Variants in TMEM217B observed in about 807,000 individuals in gnomAD.
TMEM217B encodes putative transmembrane protein 217B.
chr6:37,246,962 A>T, the TMEM217B span, among the ~76,000 whole-genome samples: 1 of 151,860 alleles, frequency 6.6e-6, no homozygotes, highest in East Asian at 1.9e-4. Context: ...GTCCCGCAGT[A>T]CCTATCAGGC....
chr6:37,227,688 C>G, the TMEM217B span, among the ~76,000 whole-genome samples: 1 of 152,046 alleles, frequency 6.6e-6, no homozygotes, highest in Admixed American at 6.6e-5. Flanking sequence ...TCGTGATCCA[C>G]CCGCCTCAGC....
At chr6:37,217,377 A>G in the TMEM217B span, among the ~76,000 whole-genome samples, 1 of 152,246 alleles carries the variant, frequency 6.6e-6, no homozygotes. Context: ...GTAATCATAT[A>G]CTGTCTTATA....
At chr6:37,232,608 G>A in the TMEM217B span, among the ~76,000 whole-genome samples, 3 of 152,124 alleles carry the variant, frequency 2.0e-5, no homozygotes, top group Admixed American at 6.5e-5. Flanking sequence ...TTCCTCTCCC[G>A]TTCTCTGCAA....
the TMEM217B span, among the ~76,000 whole-genome samples, chr6:37,240,530 A>C: frequency 6.6e-6 from 1 of 152,190 alleles, no homozygotes; most frequent in African/African-American, 2.4e-5. Context: ...TGGAAGCTGC[A>C]CTGTCTTAGT....
chr6:37,256,563 C>T, the TMEM217B span, among the ~76,000 whole-genome samples: 1 of 152,060 alleles, frequency 6.6e-6, no homozygotes, highest in Non-Finnish European at 1.5e-5. Context: ...TAAAAATAGC[C>T]CTTGTCATCC....
At chr6:37,212,416 C>A in the TMEM217B span, 1 of 408,820 alleles carries the variant, frequency 2.4e-6, no homozygotes, top group Non-Finnish European at 4.9e-6. Context: ...TGGCATGGTT[C>A]AGTTTAACTT....
chr6:37,233,617 C>G, the TMEM217B span, among the ~76,000 whole-genome samples: 70 of 152,298 alleles, frequency 4.6e-4, 1 homozygote, highest in South Asian at 0.013. Context: ...TACCATCACA[C>G]TGGGGTTTAA....
the TMEM217B span, chr6:37,212,889 G>A: frequency 1.3e-6 from 2 of 1,524,384 alleles, no homozygotes; most frequent in East Asian, 2.5e-5. Flanking sequence ...GTGTCTTCTG[G>A]TTCAGGTCAA....
the TMEM217B span, among the ~76,000 whole-genome samples, chr6:37,257,374 A>T: frequency 1.3e-5 from 2 of 152,230 alleles, no homozygotes; most frequent in Admixed American, 1.3e-4. Flanking sequence ...GGAGGGTAAT[A>T]ACCAGAGTGT....
chr6:37,244,488 T>C, the TMEM217B span, among the ~76,000 whole-genome samples: 1 of 152,252 alleles, frequency 6.6e-6, no homozygotes, highest in African/African-American at 2.4e-5. Context: ...ATAAACATGT[T>C]GAAGTCTCGT....
At chr6:37,218,948 A>G in the TMEM217B span, 100 of 1,614,062 alleles carry the variant, frequency 6.2e-5, no homozygotes, top group Non-Finnish European at 7.8e-5. Flanking sequence ...GATGAGATAC[A>G]TGTCTACGGC....
At chr6:37,225,445 A>G in the TMEM217B span, among the ~76,000 whole-genome samples, 1 of 152,178 alleles carries the variant, frequency 6.6e-6, no homozygotes, top group Non-Finnish European at 1.5e-5. Context: ...GTTTTCTATG[A>G]CCTAGGATTA....
chr6:37,253,883 T>C, the TMEM217B span, among the ~76,000 whole-genome samples: 1 of 152,232 alleles, frequency 6.6e-6, no homozygotes, highest in Non-Finnish European at 1.5e-5. Flanking sequence ...CTCTAAGGGT[T>C]GGGATATGCC....
chr6:37,212,699 T>TGG, the TMEM217B span: 1 of 631,106 alleles, frequency 1.6e-6, no homozygotes, highest in Non-Finnish European at 3.0e-6. Context: ...ATGATCCACA[T>TGG]GGCATAGATC....
At chr6:37,247,076 C>G in the TMEM217B span, among the ~76,000 whole-genome samples, 1 of 152,052 alleles carries the variant, frequency 6.6e-6, no homozygotes, top group Non-Finnish European at 1.5e-5. Context: ...TGTCATGTCC[C>G]AGCTTAAACT....
the TMEM217B span, among the ~76,000 whole-genome samples, chr6:37,232,177 C>A: frequency 6.6e-6 from 1 of 152,018 alleles, no homozygotes; most frequent in African/African-American, 2.4e-5. Flanking sequence ...TACAAAAGGA[C>A]GCTTCGTTCC....
chr6:37,240,875 AG>A, the TMEM217B span, among the ~76,000 whole-genome samples: 2 of 152,174 alleles, frequency 1.3e-5, no homozygotes, highest in Non-Finnish European at 2.9e-5. Flanking sequence ...TACTATTTTA[AG>A]ATTCTATTTT....
chr6:37,212,773 G>T, the TMEM217B span: 1 of 703,216 alleles, frequency 1.4e-6, no homozygotes, highest in Non-Finnish European at 2.6e-6. Flanking sequence ...GATGATGGTG[G>T]TGAGGGAGAG....
At chr6:37,228,334 A>G in the TMEM217B span, among the ~76,000 whole-genome samples, 2 of 152,226 alleles carry the variant, frequency 1.3e-5, no homozygotes, top group East Asian at 1.9e-4. Flanking sequence ...AATTTCCTTA[A>G]TAGGTTGTGC....
Sources: allele counts gnomAD v4.1 joint callset (sites outside exome capture counted in the v4.1 genomes callset), GRCh38; gene constraint gnomAD v4.1.1; transcripts MANE v1.5; gene names NCBI Gene and HGNC (gene_info 2026-07-23, HGNC 2026-07-21).